DCC: variants seen among roughly 807,000 people sequenced by gnomAD.
The protein encoded by DCC is DCC netrin 1 receptor, also known as netrin receptor DCC.
Under a neutral mutation model 172.5 loss-of-function variants are expected in DCC, and 58 were observed. That is an observed-to-expected ratio of 0.34 (90% CI 0.27 to 0.42). The LOEUF (loss-of-function observed/expected upper bound fraction) is 0.42. DCC is among the 10% of genes least tolerant of loss of function. The pLI, the probability that DCC is intolerant of heterozygous loss-of-function variation, is 1.00. For synonymous variants in DCC, 709 were observed against 644.5 expected (o/e 1.10, Z -1.52); for missense variants, 1,740 against 1,791.0 (o/e 0.97, Z 0.51).
intron 1 of DCC, among the ~76,000 whole-genome samples, chr18:52,421,793 G>A (rs1473351190): frequency 6.6e-6 from 1 of 152,098 alleles, no homozygotes; most frequent in East Asian, 1.9e-4. Flanking sequence ...TTTTGTTGTT[G>A]TTGTTATTTG....
rs773621507 is a variant in DCC, at chr18:53,120,380, C to A, written c.1262-36976C>A. Among the ~76,000 whole-genome samples the A allele has an allele frequency of 6.6e-5, 10 of 151,510 alleles. No individual in the cohort carries two copies. The East Asian group carries it at 2.0e-3, about 30-fold the overall frequency. On this transcript the variant is annotated intron_variant, in intron 7 of 28. Transcript: ENST00000442544. ...GCATAGGTTTTTTTCATATATTAGA[C>A]AATTTGTAATTGGATAAGACAATCT...
At chr18:53,435,326 C>G in intron 22 of DCC, 117 bp downstream of exon 22, 1 of 700,892 alleles carries the variant, frequency 1.4e-6, no homozygotes. Flanking sequence ...GATTTAGTGT[C>G]TTAGTGGGAT....
At chr18:52,873,181 T>G (rs979981204) in intron 2 of DCC, among the ~76,000 whole-genome samples, 12 of 151,206 alleles carry the variant, frequency 7.9e-5, no homozygotes, top group Non-Finnish European at 1.0e-4. Context: ...GTAAGACAAG[T>G]CTCTCAGTGT....
chr18:52,827,031 T>C (rs1027505590), intron 2 of DCC, among the ~76,000 whole-genome samples: 2 of 152,180 alleles, frequency 1.3e-5, no homozygotes, highest in African/African-American at 4.8e-5. Context: ...ATAGGTTATA[T>C]ACAAATACTG....
intron 7 of DCC, among the ~76,000 whole-genome samples, chr18:53,153,501 A>C (rs1466338951): frequency 1.3e-5 from 2 of 152,308 alleles, no homozygotes; most frequent in East Asian, 3.9e-4. Context: ...CCTGGCCGAC[A>C]TGAGATATTC....
At chr18:52,422,655 G>T (rs972018462) in intron 1 of DCC, among the ~76,000 whole-genome samples, 2 of 152,128 alleles carry the variant, frequency 1.3e-5, no homozygotes, top group African/African-American at 2.4e-5. Flanking sequence ...GACACAAAAA[G>T]GTTCATTACC....
intron 1 of DCC, among the ~76,000 whole-genome samples, chr18:52,702,338 C>T (rs73455733): frequency 0.066 from 10,112 of 152,146 alleles, 1,128 homozygotes; most frequent in African/African-American, 0.23. Flanking sequence ...AGCCCATGCT[C>T]ATCATATCAC....
At chr18:53,435,999 A>G (rs1911916839) in intron 22 of DCC, among the ~76,000 whole-genome samples, 1 of 152,196 alleles carries the variant, frequency 6.6e-6, no homozygotes, top group Admixed American at 6.5e-5. Context: ...CAGATATTCA[A>G]AATGTGAAGA....
intron 5 of DCC, among the ~76,000 whole-genome samples, chr18:53,052,278 A>G (rs930750165): frequency 6.6e-6 from 1 of 152,076 alleles, no homozygotes; most frequent in Non-Finnish European, 1.5e-5. Flanking sequence ...TTCATTTTAA[A>G]TGAATCCATT....
At chr18:52,950,693 G>C (rs1056820705) in intron 5 of DCC, among the ~76,000 whole-genome samples, 2 of 151,352 alleles carry the variant, frequency 1.3e-5, no homozygotes, top group African/African-American at 4.9e-5. Context: ...GGGAGGCCGA[G>C]GGGGGTGGAT....
At chr18:53,486,410 C>T (rs1450054638) in intron 25 of DCC, among the ~76,000 whole-genome samples, 1 of 152,186 alleles carries the variant, frequency 6.6e-6, no homozygotes, top group Non-Finnish European at 1.5e-5. Flanking sequence ...ACCCACTCTA[C>T]ACAATATATT....
At chr18:53,014,603 C>T (rs2041781406) in intron 5 of DCC, among the ~76,000 whole-genome samples, 1 of 151,686 alleles carries the variant, frequency 6.6e-6, no homozygotes, top group Admixed American at 6.6e-5. Flanking sequence ...TATGTTCTTC[C>T]AATGTAGGTA....
At chr18:52,436,836 C>T (rs1316300497) in intron 1 of DCC, among the ~76,000 whole-genome samples, 3 of 152,200 alleles carry the variant, frequency 2.0e-5, no homozygotes, top group African/African-American at 7.2e-5. Flanking sequence ...ACAAGAATCA[C>T]TTGAACTCAA....
intron 1 of DCC, among the ~76,000 whole-genome samples, chr18:52,413,940 C>T (rs990252592): frequency 2.0e-5 from 3 of 152,068 alleles, no homozygotes; most frequent in African/African-American, 4.8e-5. Flanking sequence ...AATGATTTGT[C>T]ATTACGTACA....
intron 2 of DCC, among the ~76,000 whole-genome samples, chr18:52,818,602 A>G (rs2038347533): frequency 6.6e-6 from 1 of 151,314 alleles, no homozygotes; most frequent in African/African-American, 2.4e-5. Context: ...ATAAAATTGA[A>G]TGAAATAAGG....
chr18:52,431,146 C>A (rs1282400877), intron 1 of DCC, among the ~76,000 whole-genome samples: 3 of 152,032 alleles, frequency 2.0e-5, no homozygotes, highest in African/African-American at 7.2e-5. Context: ...AATGTAAATC[C>A]TTGGACACTC....
intron 1 of DCC, among the ~76,000 whole-genome samples, chr18:52,551,693 A>T (rs1335174815): frequency 6.6e-6 from 1 of 151,332 alleles, no homozygotes; most frequent in East Asian, 1.9e-4. Flanking sequence ...ATGAAAGGTC[A>T]TGCAGCCTCC....
Position 53,226,948 on chromosome 18 carries a change from ATT to A in DCC, c.1911+11369_1911+11370del, listed in dbSNP as rs397976119. Among the ~76,000 whole-genome samples the A allele has an allele frequency of 2.5e-3, 133 of 52,946 alleles. 3 individuals are homozygous for A. In the South Asian group the frequency reaches 0.027, roughly 11 times the overall value. 34.7% of individuals were successfully genotyped at this position (52,946 alleles called of 152,430 possible). ...TGTGTGTGTGTGTATATATATATAT[ATT>A]TTTTTTTTTTTTTTTTTGAGGCAGA... is the stretch of plus-strand genomic sequence containing the variant. On this transcript the variant is annotated intron_variant, in intron 12 of 28. Coordinates refer to ENST00000442544, the MANE Select transcript of DCC (RefSeq NM_005215.4).
At position 53,306,762 on chromosome 18, in the gene DCC, C is replaced by T. The variant is rs561651657; in HGVS notation, c.2053+1043C>T. 2.6e-5 allele frequency among the ~76,000 whole-genome samples: 4 copies of T among 152,182 alleles called. No individual in the cohort carries two copies. The South Asian group carries it at 8.3e-4, about 32-fold the overall frequency. ...CCTAGGGTATGATCAGAGCTCAGGG[C>T]TTTTCAAACCTAGGAATATCTTGAG... On this transcript the variant is annotated intron_variant, in intron 13 of 28. Transcript: ENST00000442544.
Sources: gnomAD v4.1 joint callset for allele counts (sites outside exome capture counted in the v4.1 genomes callset) on GRCh38, gnomAD v4.1.1 for gene constraint, MANE v1.5 for transcripts, NCBI Gene and HGNC (gene_info 2026-07-23, HGNC 2026-07-21) for gene names.